CELF4: variants seen among roughly 807,000 people sequenced by gnomAD.
The protein encoded by CELF4 is CUG-BP- and ETR-3-like factor 4.
In CELF4, 18 loss-of-function variants were observed where a neutral mutation model predicts 59.9. The ratio of observed to expected loss-of-function variants is 0.30; its 90% CI spans 0.21 to 0.45. The LOEUF is 0.45. Ranked by LOEUF, CELF4 falls within the 20% of genes least tolerant of loss-of-function variation. The pLI is 1.00. For missense variants in CELF4, 456 were observed against 689.0 expected, an observed-to-expected ratio of 0.66 and a Z score of 3.79; for synonymous variants, 261 against 267.1, an observed-to-expected ratio of 0.98 and a Z score of 0.22.
intron 2 of CELF4, among the ~76,000 whole-genome samples, chr18:37,334,305 C>T (rs1337544666): frequency 2.0e-5 from 3 of 152,200 alleles, no homozygotes; most frequent in Non-Finnish European, 4.4e-5. Flanking sequence ...CACTATGTAG[C>T]CCTGAGGTTT....
At chr18:37,526,635 G>A (rs1428154070) in intron 1 of CELF4, among the ~76,000 whole-genome samples, 2 of 152,230 alleles carry the variant, frequency 1.3e-5, no homozygotes, top group East Asian at 3.9e-4. Flanking sequence ...GCTTGCTGCA[G>A]AGAAGCTCCT....
chr18:37,259,648 C>G (rs1191553529), intron 10 of CELF4, among the ~76,000 whole-genome samples: 2 of 152,144 alleles, frequency 1.3e-5, no homozygotes, highest in Non-Finnish European at 2.9e-5. Flanking sequence ...TCCCTCCTGC[C>G]CTGCCCCTGC....
chr18:37,503,890 C>T (rs1429641076), intron 1 of CELF4, among the ~76,000 whole-genome samples: 1 of 152,174 alleles, frequency 6.6e-6, no homozygotes, highest in African/African-American at 2.4e-5. Context: ...TTTTCCTTCC[C>T]TGACCCCATC....
chr18:37,357,272 C>G (rs755081169), intron 2 of CELF4, among the ~76,000 whole-genome samples: 4 of 152,188 alleles, frequency 2.6e-5, no homozygotes, highest in Non-Finnish European at 5.9e-5. Flanking sequence ...GGCTGTGTCC[C>G]CACCCTGCAT....
At chr18:37,290,239 C>G (rs1252483992) in intron 3 of CELF4, among the ~76,000 whole-genome samples, 1 of 152,170 alleles carries the variant, frequency 6.6e-6, no homozygotes, top group African/African-American at 2.4e-5. Flanking sequence ...GGCAGTGGAG[C>G]CCCCTGAACA....
chr18:37,435,204 A>C (rs894846022), intron 2 of CELF4, among the ~76,000 whole-genome samples: 12 of 152,154 alleles, frequency 7.9e-5, no homozygotes, highest in Non-Finnish European at 1.8e-4. Flanking sequence ...CTCAGCTGAG[A>C]CAGGTGGAAT....
intron 3 of CELF4, among the ~76,000 whole-genome samples, chr18:37,286,819 T>A (rs1396538025): frequency 6.6e-6 from 1 of 151,918 alleles, no homozygotes; most frequent in Admixed American, 6.6e-5. Context: ...TGGGAGTGGG[T>A]CTTCAGAGGC....
intron 1 of CELF4, among the ~76,000 whole-genome samples, chr18:37,531,176 C>T (rs1192407273): frequency 1.3e-5 from 2 of 152,094 alleles, no homozygotes; most frequent in East Asian, 3.9e-4. Flanking sequence ...GAGGCCAGGG[C>T]TGCCTGTCCT....
intron 2 of CELF4, among the ~76,000 whole-genome samples, chr18:37,464,140 T>C (rs544510373): frequency 1.3e-5 from 2 of 152,292 alleles, no homozygotes; most frequent in South Asian, 4.1e-4. Flanking sequence ...GCTTCTAAAT[T>C]AGCGGTGCAT....
intron 2 of CELF4, among the ~76,000 whole-genome samples, chr18:37,471,093 C>T (rs1002235759): frequency 7.9e-5 from 12 of 152,088 alleles, no homozygotes; most frequent in Non-Finnish European, 1.8e-4. Flanking sequence ...AATGCCCTCA[C>T]CAGCTTCAGG....
chr18:37,360,145 G>C (rs551550171), intron 2 of CELF4, among the ~76,000 whole-genome samples: 2 of 152,182 alleles, frequency 1.3e-5, no homozygotes, highest in South Asian at 2.1e-4. Context: ...GAGCCACCAT[G>C]CCGGGCATTT....
intron 1 of CELF4, among the ~76,000 whole-genome samples, chr18:37,494,859 C>T (rs1156252404): frequency 1.3e-5 from 2 of 152,172 alleles, no homozygotes; most frequent in South Asian, 2.1e-4. Context: ...TCCCCACCCC[C>T]AATCCTGTGG....
chr18:37,485,388 G>T, intron 2 of CELF4, 137 bp downstream of exon 2: 1 of 214,618 alleles, frequency 4.7e-6, no homozygotes, highest in South Asian at 1.8e-4. Context: ...ATTTGGGGGG[G>T]CGCGCGGGCT....
chr18:37,398,109 G>GT lies in CELF4; in HGVS notation c.370-76229_370-76228insA, dbSNP rs1252361700. Among the ~76,000 whole-genome samples, 8 of 152,166 alleles carry GT rather than the reference G, an allele frequency of 5.3e-5. 1 individual carries two copies. The highest frequency in any genetic ancestry group is 5.2e-4 in the Admixed American group (8 of 15,268). On this transcript the variant is annotated intron_variant, in intron 2 of 12. Transcript: ENST00000420428. Reference sequence around the variant, plus strand: ...AAGGGCAGGTCCTTCAGGGAGGACAGGTGTGTCAAGTGAGCTGCCGGCCCT... The same window carrying GT: ...AAGGGCAGGTCCTTCAGGGAGGACAGTGTGTGTCAAGTGAGCTGCCGGCCCT...
intron 1 of CELF4, among the ~76,000 whole-genome samples, chr18:37,540,458 G>A (rs1032567196): frequency 1.3e-5 from 2 of 152,236 alleles, no homozygotes; most frequent in Non-Finnish European, 2.9e-5. Flanking sequence ...TTCCCAAGGA[G>A]CTCTTCCCTT....
intron 8 of CELF4, among the ~76,000 whole-genome samples, chr18:37,267,208 G>C (rs931236690): frequency 1.9e-4 from 29 of 152,232 alleles, no homozygotes; most frequent in Admixed American, 1.4e-3. Flanking sequence ...CAAACTGGGA[G>C]AGGGGTGCTG....
At position 37,565,743 on chromosome 18, in the gene CELF4, G is replaced by T; in HGVS notation, c.-102C>A. The T allele has an allele frequency of 1.1e-6, 1 of 936,524 alleles. No homozygotes were observed. The highest frequency in any genetic ancestry group is 1.5e-6 in the Non-Finnish European group (1 of 668,566). The allele number at this position is 936,524 out of a possible 1,614,324, so 58.0% of individuals were successfully genotyped here. A position where few individuals can be genotyped will look rare whatever the true frequency, so the allele number is the denominator to read the frequency against. On this transcript the variant is annotated 5_prime_UTR_variant, in exon 1 of 13. Coordinates refer to ENST00000420428, the MANE Select transcript of CELF4 (RefSeq NM_020180.4). ...CACGCACACGCATACACACACTCGG[G>T]TTCTCTCCCCCTCGGTTTCTCTACA... is the stretch of plus-strand genomic sequence containing the variant.
intron 2 of CELF4, among the ~76,000 whole-genome samples, chr18:37,322,730 G>A (rs2097167498): frequency 6.6e-6 from 1 of 152,200 alleles, no homozygotes; most frequent in Non-Finnish European, 1.5e-5. Context: ...AGCAACAAAC[G>A]TGAGGAGGAT....
intron 1 of CELF4, among the ~76,000 whole-genome samples, chr18:37,560,781 A>T (rs2099986297): frequency 6.6e-6 from 1 of 152,322 alleles, no homozygotes; most frequent in East Asian, 1.9e-4. Flanking sequence ...AGTTTAAATC[A>T]CCTGTCTACA....
Sources: gnomAD v4.1 joint callset for allele counts (sites outside exome capture counted in the v4.1 genomes callset) on GRCh38, gnomAD v4.1.1 for gene constraint, MANE v1.5 for transcripts, NCBI Gene and HGNC (gene_info 2026-07-23, HGNC 2026-07-21) for gene names.